Variants in MAN1A2 observed in about 807,000 individuals in gnomAD.
The protein encoded by MAN1A2 is mannosyl-oligosaccharide 1,2-alpha-mannosidase IB.
A neutral mutation model predicts 75.7 loss-of-function variants in MAN1A2; 26 were observed. The ratio of observed to expected loss-of-function variants is 0.34; its 90% confidence interval spans 0.25 to 0.48. The LOEUF is 0.48. Ranked by LOEUF, MAN1A2 falls within the 20% of genes least tolerant of loss-of-function variation. MAN1A2 has a pLI of 0.99. For synonymous variants in MAN1A2, 247 were observed against 264.6 expected, an observed-to-expected ratio of 0.93 and a Z score of 0.65; for missense variants, 562 against 775.5, an observed-to-expected ratio of 0.72 and a Z score of 3.27.
intron 1 of MAN1A2, among the ~76,000 whole-genome samples, chr1:117,400,067 T>C (rs2101750932): frequency 6.6e-6 from 1 of 152,290 alleles, no homozygotes; most frequent in South Asian, 2.1e-4. Flanking sequence ...TCAGCACCTA[T>C]GTGCTGATGA....
At chr1:117,377,770 A>G (rs56411746) in intron 1 of MAN1A2, among the ~76,000 whole-genome samples, 39,467 of 152,118 alleles carry the variant, frequency 0.26, 5,776 homozygotes, top group East Asian at 0.48. Flanking sequence ...TAGTTTTATA[A>G]TAGTATGCTT....
chr1:117,506,057 G>A (rs1028977569), intron 12 of MAN1A2, among the ~76,000 whole-genome samples: 1 of 151,460 alleles, frequency 6.6e-6, no homozygotes, highest in African/African-American at 2.4e-5. Context: ...TCATTTCTGT[G>A]AAGATCTAAA....
chr1:117,425,198 C>T (rs1648325248), intron 5 of MAN1A2, among the ~76,000 whole-genome samples: 1 of 151,894 alleles, frequency 6.6e-6, no homozygotes. Flanking sequence ...AGAACTCTAT[C>T]TATAAAAAGA....
At chr1:117,382,526 G>T (rs1357411416) in intron 1 of MAN1A2, among the ~76,000 whole-genome samples, 6 of 152,098 alleles carry the variant, frequency 3.9e-5, no homozygotes, top group Non-Finnish European at 7.3e-5. Flanking sequence ...GCTCTGTTCT[G>T]TTCCATTGAT....
chr1:117,461,153 A>C (rs1446028133), intron 7 of MAN1A2, among the ~76,000 whole-genome samples: 1 of 152,202 alleles, frequency 6.6e-6, no homozygotes, highest in Non-Finnish European at 1.5e-5. Context: ...TAATAGAACA[A>C]AAGTATATAT....
chr1:117,526,988 C>G lies in MAN1A2; in HGVS notation c.*4031C>G, dbSNP rs1362872374. The stretch of plus-strand genomic sequence containing the variant: ...AATTATACACAGATAATTTTTAATA[C>G]TCTTTGTTAACAAACACAGTTGAAA... On this transcript the variant is annotated 3_prime_UTR_variant, in exon 13 of 13. Coordinates refer to ENST00000356554, the MANE Select transcript of MAN1A2 (RefSeq NM_006699.5). The G allele has an allele frequency of 1.5e-5, 2 of 136,184 alleles. No individual in the cohort carries two copies. The highest frequency in any genetic ancestry group is 5.0e-5 in the African/African-American group (2 of 40,310). The allele number at this position is 136,184 out of a possible 1,614,324, so 8.4% of individuals were successfully genotyped here.
intron 6 of MAN1A2, among the ~76,000 whole-genome samples, chr1:117,447,826 A>G (rs1314023749): frequency 1.3e-5 from 2 of 151,930 alleles, no homozygotes; most frequent in Non-Finnish European, 2.9e-5. Flanking sequence ...TTTTTTTGCT[A>G]TTAGTAGTAT....
At position 117,499,509 on chromosome 1, in the gene MAN1A2, C is replaced by G. The variant is rs768629658; in HGVS notation, c.1632C>G (p.Phe544Leu). Residue 544 changes from phenylalanine to leucine, a missense_variant, in exon 11 of 13, where the codon TTC becomes TTG. Phe to Leu is a conservative substitution (Grantham distance 22). Transcript: ENST00000356554. ...VIETYWYLWR[F>L]THDPRYRQWG... The stretch of plus-strand genomic sequence containing the variant: ...AAACCTATTGGTACCTATGGCGATT[C>G]ACTCACGATCCAAGATACAGGCAGT... 1 of 1,607,804 alleles carries G rather than the reference C, an allele frequency of 6.2e-7. No homozygotes were observed. The highest frequency in any genetic ancestry group is 2.3e-5 in the East Asian group (1 of 44,390).
At chr1:117,440,438 G>A (rs1461799174) in intron 5 of MAN1A2, among the ~76,000 whole-genome samples, 1 of 152,060 alleles carries the variant, frequency 6.6e-6, no homozygotes, top group Non-Finnish European at 1.5e-5. Flanking sequence ...TGCCTGCATT[G>A]CATACTGAAA....
At chr1:117,456,562 G>A (rs868083495) in intron 6 of MAN1A2, among the ~76,000 whole-genome samples, 4 of 151,758 alleles carry the variant, frequency 2.6e-5, no homozygotes, top group African/African-American at 9.7e-5. Context: ...GAAATTATTG[G>A]CACTTTCAAT....
At chr1:117,485,697 G>C (rs961535864) in intron 8 of MAN1A2, among the ~76,000 whole-genome samples, 3 of 151,818 alleles carry the variant, frequency 2.0e-5, no homozygotes, top group Admixed American at 6.6e-5. Context: ...CTCCATCCCT[G>C]GTATTTACCA....
chr1:117,458,511 A>AT (rs1557959107), intron 6 of MAN1A2, among the ~76,000 whole-genome samples: 1 of 90,040 alleles, frequency 1.1e-5, no homozygotes, highest in Non-Finnish European at 2.2e-5. Flanking sequence ...ATATATATAT[A>AT]GATATATATA....
intron 8 of MAN1A2, among the ~76,000 whole-genome samples, chr1:117,467,120 C>T (rs533501959): frequency 6.6e-6 from 1 of 152,154 alleles, no homozygotes; most frequent in East Asian, 1.9e-4. Flanking sequence ...TTAAAAGTAA[C>T]AACTAATATT....
intron 1 of MAN1A2, among the ~76,000 whole-genome samples, chr1:117,374,852 G>T (rs752554474): frequency 3.3e-5 from 5 of 151,954 alleles, no homozygotes; most frequent in Non-Finnish European, 7.4e-5. Context: ...ATATTACAAA[G>T]ATAAAATGTA....
intron 1 of MAN1A2, among the ~76,000 whole-genome samples, chr1:117,391,422 C>G (rs957680651): frequency 1.3e-5 from 2 of 152,066 alleles, no homozygotes; most frequent in African/African-American, 4.8e-5. Context: ...TTGTTTACTT[C>G]TTTCATTTCT....
chr1:117,435,447 A>G (rs1384151897), intron 5 of MAN1A2, among the ~76,000 whole-genome samples: 1 of 152,224 alleles, frequency 6.6e-6, no homozygotes, highest in Non-Finnish European at 1.5e-5. Flanking sequence ...CCTTAATAAG[A>G]TCTGTTTCAG....
chr1:117,505,915 T>G (rs1379125579), intron 12 of MAN1A2, among the ~76,000 whole-genome samples: 1 of 151,326 alleles, frequency 6.6e-6, no homozygotes, highest in East Asian at 1.9e-4. Flanking sequence ...TAATACATAA[T>G]GGTAATGGTA....
At chr1:117,495,338 G>A (rs574925295) in intron 9 of MAN1A2, among the ~76,000 whole-genome samples, 6 of 151,762 alleles carry the variant, frequency 4.0e-5, no homozygotes, top group Admixed American at 1.3e-4. Context: ...AGTCTTTGCA[G>A]TGTTAATTAT....
chr1:117,466,365 T>C lies in MAN1A2; in HGVS notation c.1106T>C (p.Met369Thr). Residue 369 changes from methionine to threonine, a missense_variant, in exon 8 of 13, where the codon ATG becomes ACG. By Grantham distance (81) the Met-to-Thr change is moderately conservative. Coordinates refer to ENST00000356554, the MANE Select transcript of MAN1A2 (RefSeq NM_006699.5). ...VMHIRKLLQK[M>T]DRPNGLYPNY... is the part of the protein sequence containing the mutation. Reference sequence around the variant, plus strand: ...CACATTCGGAAACTACTTCAGAAAATGGATCGTCCAAATGGTCTTTATCCA... The same window carrying C: ...CACATTCGGAAACTACTTCAGAAAACGGATCGTCCAAATGGTCTTTATCCA... 6.2e-7 allele frequency: 1 copy of C among 1,611,920 alleles called. No homozygotes were observed. The highest frequency in any genetic ancestry group is 1.1e-5 in the South Asian group (1 of 90,890).
Sources: allele counts gnomAD v4.1 joint callset (sites outside exome capture counted in the v4.1 genomes callset), GRCh38; gene constraint gnomAD v4.1.1; transcripts MANE v1.5; gene names NCBI Gene and HGNC (gene_info 2026-07-23, HGNC 2026-07-21).